The following SULF1 variants were observed in gnomAD, a reference collection of about 807,000 sequenced individuals.
SULF1 encodes the protein sulfatase 1.
SULF1 carries 46 observed loss-of-function variants against 110.5 expected under a neutral mutation model. The ratio of observed to expected loss-of-function variants is 0.42; its 90% CI spans 0.33 to 0.53. The LOEUF (loss-of-function observed/expected upper bound fraction) is 0.53, where lower values mean the gene tolerates loss of function less well. SULF1 is among the 20% of genes least tolerant of loss of function. The pLI, the probability that SULF1 is intolerant of heterozygous loss-of-function variation, is 0.12. For missense variants in SULF1, 941 were observed against 1,094.2 expected (o/e 0.86, Z 1.98); for synonymous variants, 371 against 387.1 (o/e 0.96, Z 0.49).
chr8:69,580,706 GA>G (rs1270172642), intron 6 of SULF1, among the ~76,000 whole-genome samples: 1 of 152,130 alleles, frequency 6.6e-6, no homozygotes, highest in Non-Finnish European at 1.5e-5. Context: ...TTAATCACAT[GA>G]ATTCTACCTC....
chr8:69,653,143 C>T (rs1306797517), intron 22 of SULF1, among the ~76,000 whole-genome samples: 1 of 152,132 alleles, frequency 6.6e-6, no homozygotes, highest in Non-Finnish European at 1.5e-5. Flanking sequence ...AATCATGGCT[C>T]ACTGCAGCCT....
chr8:69,557,867 A>G (rs890204847), intron 3 of SULF1, among the ~76,000 whole-genome samples: 2 of 152,214 alleles, frequency 1.3e-5, no homozygotes, highest in Non-Finnish European at 2.9e-5. Context: ...GTTCCAGGTC[A>G]TAGGCATACA....
intron 1 of SULF1, among the ~76,000 whole-genome samples, chr8:69,475,461 A>G (rs1809262304): frequency 6.6e-6 from 1 of 152,162 alleles, no homozygotes; most frequent in East Asian, 1.9e-4. Flanking sequence ...GGGAATAAGG[A>G]AAGGATGGGT....
chr8:69,535,789 T>C (rs947929141), intron 3 of SULF1, among the ~76,000 whole-genome samples: 3 of 152,124 alleles, frequency 2.0e-5, no homozygotes, highest in African/African-American at 7.2e-5. Flanking sequence ...CCCAGCACTT[T>C]GGGAAGCCGA....
intron 12 of SULF1, among the ~76,000 whole-genome samples, chr8:69,604,380 A>G (rs770302822): frequency 2.0e-5 from 3 of 152,168 alleles, no homozygotes; most frequent in Non-Finnish European, 4.4e-5. Context: ...TTTTAAATAG[A>G]TAAATGTATG....
chr8:69,652,524 G>T (rs1812420767), intron 22 of SULF1, among the ~76,000 whole-genome samples: 1 of 152,118 alleles, frequency 6.6e-6, no homozygotes, highest in African/African-American at 2.4e-5. Context: ...TGGTTCTTTG[G>T]GCTTGCTTTT....
At chr8:69,493,335 A>G (rs1810065281) in intron 1 of SULF1, among the ~76,000 whole-genome samples, 1 of 151,894 alleles carries the variant, frequency 6.6e-6, no homozygotes, top group Non-Finnish European at 1.5e-5. Flanking sequence ...TCTGTTGATA[A>G]TTAATTCACT....
At chr8:69,627,722 A>G (rs1586585947) in intron 16 of SULF1, 50 bp from the exon 17 acceptor site, 1 of 1,259,936 alleles carries the variant, frequency 7.9e-7, no homozygotes, top group Non-Finnish European at 1.1e-6. Context: ...AGTACTTTGT[A>G]AAGAAAATCC....
chr8:69,640,769 A>G (rs371152273), intron 21 of SULF1, 39 bp from the exon 22 acceptor site: 213 of 1,580,850 alleles, frequency 1.3e-4, no homozygotes, highest in Admixed American at 1.8e-4. Flanking sequence ...TATAAGTTCT[A>G]AAGCTAACAG....
At chr8:69,604,744 C>T in intron 12 of SULF1, 59 bp from the exon 13 acceptor site, 1 of 1,599,540 alleles carries the variant, frequency 6.3e-7, no homozygotes. Flanking sequence ...GGGGGCAGGA[C>T]TCAGGGACCG....
rs1815703036 is a variant in SULF1, at chr8:69,564,143, G to C, written c.168G>C (p.Glu56Asp). The change falls in exon 5 of 23, where the codon GAG (glutamate) becomes GAC (aspartate). Residue 56 changes from glutamate to aspartate, a missense_variant. By Grantham distance (45) the Glu-to-Asp change is conservative. Transcript: ENST00000402687. ...ILVLTDDQDVELGSLQVMNKT... is the reference protein window; with the variant it reads ...ILVLTDDQDVDLGSLQVMNKT... ...TGCTTACCGATGATCAAGATGTGGA[G>C]CTGGGTGAGACACTGGACTCTTCAC... is the stretch of plus-strand genomic sequence containing the variant. 1 of 1,614,160 alleles carries C rather than the reference G, an allele frequency of 6.2e-7. No individual in the cohort carries two copies. The highest frequency in any genetic ancestry group is 8.5e-7 in the Non-Finnish European group (1 of 1,180,004).
rs912627995 is a variant in SULF1 at position 69,645,862 on chromosome 8, C to G, written c.2585+5021C>G. 2.0e-5 allele frequency among the ~76,000 whole-genome samples: 3 copies of G among 151,792 alleles called. No homozygotes were observed. In the South Asian group the frequency reaches 6.3e-4, roughly 32 times the overall value. On this transcript the variant is annotated intron_variant, in intron 22 of 22. Transcript: ENST00000402687. ...TATCTTCCAAACAGGGATGTTTTGA[C>G]CATGGGGGAGGAGTACTAAAAATAG... is the stretch of plus-strand genomic sequence containing the variant.
intron 3 of SULF1, among the ~76,000 whole-genome samples, chr8:69,529,629 C>T (rs1349946538): frequency 3.9e-5 from 6 of 152,126 alleles, no homozygotes; most frequent in Admixed American, 6.5e-5. Flanking sequence ...GCAGACCCTA[C>T]ATTGTTCTAA....
intron 3 of SULF1, among the ~76,000 whole-genome samples, chr8:69,540,620 G>C (rs769229610): frequency 6.6e-6 from 1 of 152,148 alleles, no homozygotes; most frequent in East Asian, 1.9e-4. Context: ...TTCTGCCTTG[G>C]TGACAGCGTT....
chr8:69,587,555 G>A (rs1469290743), intron 7 of SULF1, among the ~76,000 whole-genome samples: 1 of 152,144 alleles, frequency 6.6e-6, no homozygotes, highest in African/African-American at 2.4e-5. Context: ...AGAGACCTTG[G>A]AGGCAAATTT....
At chr8:69,644,728 T>G (rs948048754) in intron 22 of SULF1, among the ~76,000 whole-genome samples, 2 of 144,022 alleles carry the variant, frequency 1.4e-5, no homozygotes, top group African/African-American at 5.3e-5. Context: ...GCCACTGGAC[T>G]CCTGCCTGAG....
At chr8:69,604,319 C>T (rs756498409) in intron 12 of SULF1, among the ~76,000 whole-genome samples, 13 of 152,152 alleles carry the variant, frequency 8.5e-5, no homozygotes, top group Non-Finnish European at 1.3e-4. Flanking sequence ...AAGCCTCACC[C>T]GGCACCCTTC....
In SULF1 at chr8:69,502,889, G is replaced by A. The variant is rs760339651; in HGVS notation, c.-134+921G>A. ...TTTAGCAGAGATGGGGTTTCACCAT[G>A]TTGGCCAGGCTGGTCTTGAACTCCT... is the stretch of plus-strand genomic sequence containing the variant. On this transcript the variant is annotated intron_variant, in intron 3 of 22. Coordinates refer to ENST00000402687, the MANE Select transcript of SULF1 (RefSeq NM_001128205.2). Among the ~76,000 whole-genome samples the A allele has an allele frequency of 2.0e-5, 3 of 151,808 alleles. No individual in the cohort carries two copies. The East Asian group carries it at 5.8e-4, about 29-fold the overall frequency.
rs376204234 is a variant in SULF1 at position 69,601,863 on chromosome 8, C to G, written c.1061+34C>G. 3.2e-6 allele frequency: 5 copies of G among 1,569,746 alleles called. No homozygotes were observed. In the South Asian group the frequency reaches 3.6e-5, roughly 11 times the overall value. On this transcript the variant is annotated intron_variant, in intron 10 of 22. Transcript: ENST00000402687. ...TTCTCTGTTTGCAACATTCAACTGT[C>G]GTACCTCAAGTGTGTCTAAGATAAT...
Sources: allele counts gnomAD v4.1 joint callset (sites outside exome capture counted in the v4.1 genomes callset), GRCh38; gene constraint gnomAD v4.1.1; transcripts MANE v1.5; gene names NCBI Gene and HGNC (gene_info 2026-07-23, HGNC 2026-07-21).